Variants in GAK observed in about 807,000 individuals in gnomAD.
The protein encoded by GAK is cyclin G associated kinase.
In GAK, 79 loss-of-function variants were observed where a neutral mutation model predicts 143.9. The ratio of observed to expected loss-of-function variants is 0.55; its 90% CI spans 0.46 to 0.66. GAK has a LOEUF of 0.66. Among genes scored for constraint, GAK ranks in the 30% least tolerant of loss-of-function variants. The pLI, the probability that GAK is intolerant of heterozygous loss-of-function variation, is 0.00. For missense variants in GAK, 1,693 were observed against 1,779.7 expected, an observed-to-expected ratio of 0.95 and a Z score of 0.88; for synonymous variants, 881 against 765.5, an observed-to-expected ratio of 1.15 and a Z score of -2.49.
chr4:896,326 A>T, intron 7 of GAK, 134 bp downstream of exon 7: 1 of 678,422 alleles, frequency 1.5e-6, no homozygotes, highest in South Asian at 1.7e-5. Context: ...AAGGAAAAAG[A>T]AAAGGGGACG....
intron 1 of GAK, among the ~76,000 whole-genome samples, chr4:917,672 C>A (rs1011813599): frequency 6.6e-5 from 10 of 152,252 alleles, no homozygotes; most frequent in African/African-American, 2.2e-4. Flanking sequence ...AGGAGGGAGA[C>A]CGTGGCGCTG....
At chr4:918,257 A>C (rs1403888258) in intron 1 of GAK, among the ~76,000 whole-genome samples, 1 of 152,344 alleles carries the variant, frequency 6.6e-6, no homozygotes, top group Non-Finnish European at 1.5e-5. Context: ...ATTTAGAAAC[A>C]ACAACTACAA....
chr4:904,824 G>T, intron 4 of GAK, 45 bp from the exon 5 acceptor site: 1 of 1,594,888 alleles, frequency 6.3e-7, no homozygotes, highest in Non-Finnish European at 8.6e-7. Flanking sequence ...AACAGGGTCC[G>T]GAGACAGGGA....
intron 23 of GAK, among the ~76,000 whole-genome samples, chr4:863,088 G>A (rs748387227): frequency 2.0e-5 from 3 of 152,222 alleles, no homozygotes; most frequent in South Asian, 2.1e-4. Flanking sequence ...GAACATTCAC[G>A]ATTCACAGGA....
intron 1 of GAK, among the ~76,000 whole-genome samples, chr4:914,274 G>A (rs1165147560): frequency 1.9e-5 from 1 of 52,632 alleles, no homozygotes; most frequent in Non-Finnish European, 3.3e-5. Context: ...CAGCGTGCAC[G>A]GCCACACACA....
At chr4:866,860 G>A (rs1751280591) in intron 21 of GAK, 96 bp downstream of exon 21, 1 of 980,664 alleles carries the variant, frequency 1.0e-6, no homozygotes. Flanking sequence ...TTCCCTTCCT[G>A]CAAGCACCTT....
chr4:860,735 A>G (rs1401995534), intron 23 of GAK, among the ~76,000 whole-genome samples: 1 of 149,770 alleles, frequency 6.7e-6, no homozygotes, highest in Non-Finnish European at 1.5e-5. Flanking sequence ...GCCCTGGCGC[A>G]CCTCGCACTG....
chr4:858,206 C>A (rs535003753), intron 24 of GAK, among the ~76,000 whole-genome samples: 2 of 152,328 alleles, frequency 1.3e-5, no homozygotes, highest in Admixed American at 1.3e-4. Flanking sequence ...ATCCTTGCAG[C>A]CTTCAGTACA....
chr4:867,987 C>G (rs1751517746), intron 20 of GAK, among the ~76,000 whole-genome samples: 1 of 152,236 alleles, frequency 6.6e-6, no homozygotes. Flanking sequence ...GAACACCAAT[C>G]AAGGGTGCTC....
intron 23 of GAK, among the ~76,000 whole-genome samples, chr4:863,006 T>TTC (rs1268271366): frequency 1.3e-5 from 2 of 152,216 alleles, no homozygotes; most frequent in African/African-American, 4.8e-5. Context: ...AGCGGCCAGA[T>TTC]TCCTCTGATG....
intron 1 of GAK, among the ~76,000 whole-genome samples, chr4:926,914 G>A (rs113076184): frequency 2.2e-4 from 5 of 22,860 alleles, no homozygotes; most frequent in Admixed American, 1.3e-3. Flanking sequence ...GCACTGCCCC[G>A]CACCCCTCCC....
chr4:877,010 A>T (rs939461541), intron 17 of GAK, 80 bp downstream of exon 17: 17 of 962,946 alleles, frequency 1.8e-5, no homozygotes, highest in Non-Finnish European at 2.3e-5. Context: ...CTCGGTGAGA[A>T]GTGAGCGCAC....
intron 5 of GAK, among the ~76,000 whole-genome samples, chr4:904,034 G>T (rs1720569209): frequency 6.6e-6 from 1 of 152,274 alleles, no homozygotes; most frequent in South Asian, 2.1e-4. Flanking sequence ...TCTTCTAGGT[G>T]AGATGGTGTA....
At chr4:879,007 G>A (rs1289794012) in intron 15 of GAK, among the ~76,000 whole-genome samples, 2 of 152,206 alleles carry the variant, frequency 1.3e-5, no homozygotes, top group Admixed American at 6.5e-5. Flanking sequence ...CCAACAGCCC[G>A]AGTGGCCAAG....
intron 4 of GAK, among the ~76,000 whole-genome samples, chr4:906,478 G>T (rs1721104360): frequency 6.6e-6 from 1 of 152,120 alleles, no homozygotes; most frequent in Non-Finnish European, 1.5e-5. Flanking sequence ...CAGGGCTGAG[G>T]ACCTGCTGGG....
rs866592073 is a variant in GAK at position 893,735 on chromosome 4, C to G, written c.877+139G>C. 2.8e-5 allele frequency: 27 copies of G among 977,602 alleles called. No individual in the cohort carries two copies. The East Asian group carries it at 2.8e-4, about 10-fold the overall frequency. The allele number at this position is 977,602 out of a possible 1,614,324, so 60.6% of individuals were successfully genotyped here. The stretch of plus-strand genomic sequence containing the variant: ...GGGAGCTCTCTGGAAACCCCCCCCC[C>G]AGGGATGTTGTCAAAACTATGGTGA... On this transcript the variant is annotated intron_variant, in intron 8 of 27. Transcript: ENST00000314167.
chr4:898,329 G>A (rs576251077), intron 5 of GAK, among the ~76,000 whole-genome samples, 171 bp from the exon 6 acceptor site: 1 of 152,336 alleles, frequency 6.6e-6, no homozygotes, highest in South Asian at 2.1e-4. Context: ...AGCCAGCTCT[G>A]CACCAGCAGC....
At chr4:878,078 C>G (rs1234620676) in intron 15 of GAK, among the ~76,000 whole-genome samples, 1 of 152,120 alleles carries the variant, frequency 6.6e-6, no homozygotes, top group Non-Finnish European at 1.5e-5. Flanking sequence ...CACTTTTACT[C>G]ATGGGTTATT....
chr4:863,971 C>T (rs929346192), intron 23 of GAK, among the ~76,000 whole-genome samples: 22 of 152,140 alleles, frequency 1.4e-4, no homozygotes, highest in Middle Eastern at 3.4e-3. Flanking sequence ...TGCAGTGAGC[C>T]GAGATTGCAC....
Sources: allele counts gnomAD v4.1 joint callset (sites outside exome capture counted in the v4.1 genomes callset), GRCh38; gene constraint gnomAD v4.1.1; transcripts MANE v1.5; gene names NCBI Gene and HGNC (gene_info 2026-07-23, HGNC 2026-07-21).